PDZRN3: variants seen among roughly 807,000 people sequenced by gnomAD.
PDZRN3 encodes the protein PDZ domain containing ring finger 3.
Under a neutral mutation model 85.7 loss-of-function variants are expected in PDZRN3, and 38 were observed. The ratio of observed to expected loss-of-function variants is 0.44; its 90% CI spans 0.34 to 0.58. The LOEUF (loss-of-function observed/expected upper bound fraction) is 0.58. Among genes scored for constraint, PDZRN3 ranks in the 20% least tolerant of loss-of-function variants. The pLI is 0.01. For missense variants in PDZRN3, 1,629 were observed against 1,506.4 expected, an observed-to-expected ratio of 1.08 and a Z score of -1.35; for synonymous variants, 759 against 638.0, an observed-to-expected ratio of 1.19 and a Z score of -2.86.
Position 73,569,256 on chromosome 3 carries a change from A to G in PDZRN3, c.918+33098T>C, listed in dbSNP as rs57200209. On this transcript the variant is annotated intron_variant, in intron 3 of 9. Transcript: ENST00000263666. ...TCAGTCTGCAAAGATGAACAAGAGG[A>G]GCCCGAAGAATGTCGTATGAAATGA... 80 of 1,279,958 alleles carry G rather than the reference A, an allele frequency of 6.3e-5. No individual in the cohort carries two copies. The African/African-American group carries it at 9.6e-4, about 15-fold the overall frequency. The allele number at this position is 1,279,958 out of a possible 1,614,324, so 79.3% of individuals were successfully genotyped here.
At chr3:73,489,290 C>T (rs1343986590) in intron 3 of PDZRN3, among the ~76,000 whole-genome samples, 1 of 152,170 alleles carries the variant, frequency 6.6e-6, no homozygotes, top group Non-Finnish European at 1.5e-5. Flanking sequence ...ATTTTCATAT[C>T]TTTAATGGTA....
intron 3 of PDZRN3, among the ~76,000 whole-genome samples, chr3:73,563,677 C>T (rs747207697): frequency 6.6e-6 from 1 of 152,184 alleles, no homozygotes; most frequent in African/African-American, 2.4e-5. Flanking sequence ...GTAGTCATGA[C>T]TGACGCTATA....
At chr3:73,422,638 C>A (rs1173508721) in intron 3 of PDZRN3, among the ~76,000 whole-genome samples, 3 of 152,140 alleles carry the variant, frequency 2.0e-5, no homozygotes, top group Non-Finnish European at 2.9e-5. Context: ...TCTGAGACTT[C>A]ATGGACAACT....
intron 1 of PDZRN3, among the ~76,000 whole-genome samples, chr3:73,617,148 T>G (rs1226416086): frequency 6.6e-6 from 1 of 152,160 alleles, no homozygotes; most frequent in Non-Finnish European, 1.5e-5. Flanking sequence ...GCACACACAC[T>G]GCTGATGCCA....
chr3:73,591,234 T>A (rs1229706288), intron 3 of PDZRN3, among the ~76,000 whole-genome samples: 4 of 152,192 alleles, frequency 2.6e-5, no homozygotes, highest in Non-Finnish European at 5.9e-5. Context: ...ATATTACTCA[T>A]GAGTCATTAT....
intron 3 of PDZRN3, among the ~76,000 whole-genome samples, chr3:73,542,974 T>G (rs2106786016): frequency 6.6e-6 from 1 of 152,292 alleles, no homozygotes; most frequent in Non-Finnish European, 1.5e-5. Context: ...CTGTGTGTAC[T>G]CCAAGTGTCT....
intron 3 of PDZRN3, among the ~76,000 whole-genome samples, chr3:73,427,585 G>C (rs1342856206): frequency 1.3e-5 from 2 of 152,214 alleles, no homozygotes; most frequent in Non-Finnish European, 2.9e-5. Flanking sequence ...CACAGAGAGA[G>C]GGGCTGTCTT....
chr3:73,443,479 C>CTTTTTTTTT (rs768320565), intron 3 of PDZRN3, among the ~76,000 whole-genome samples: 14 of 48,156 alleles, frequency 2.9e-4, no homozygotes, highest in Admixed American at 4.9e-4. Flanking sequence ...TTTCCTTTTT[C>CTTTTTTTTT]TTTTTTTTTT....
At chr3:73,469,855 T>C (rs1274269052) in intron 3 of PDZRN3, among the ~76,000 whole-genome samples, 2 of 152,204 alleles carry the variant, frequency 1.3e-5, no homozygotes. Flanking sequence ...GAAAATATCT[T>C]GGTAGCTTAA....
chr3:73,586,461 C>G (rs1243680197), intron 3 of PDZRN3, among the ~76,000 whole-genome samples: 1 of 152,226 alleles, frequency 6.6e-6, no homozygotes, highest in African/African-American at 2.4e-5. Context: ...CACACATTTA[C>G]TGATTGAATA....
At chr3:73,528,684 C>G (rs1468279083) in intron 3 of PDZRN3, among the ~76,000 whole-genome samples, 1 of 151,866 alleles carries the variant, frequency 6.6e-6, no homozygotes, top group Non-Finnish European at 1.5e-5. Flanking sequence ...TTGTGAAGAT[C>G]AAAAAAAGTA....
chr3:73,453,912 A>G (rs995667436), intron 3 of PDZRN3, among the ~76,000 whole-genome samples: 6 of 152,338 alleles, frequency 3.9e-5, no homozygotes, highest in African/African-American at 1.2e-4. Context: ...CAGAGGGGTC[A>G]GTGTTGGCCA....
chr3:73,408,606 G>C (rs189775499), intron 3 of PDZRN3, among the ~76,000 whole-genome samples: 23 of 151,780 alleles, frequency 1.5e-4, no homozygotes, highest in Admixed American at 1.1e-3. Flanking sequence ...GGGTGCAACA[G>C]AAAAATTTTA....
intron 3 of PDZRN3, among the ~76,000 whole-genome samples, chr3:73,474,178 G>A (rs1565176): frequency 0.29 from 43,762 of 151,964 alleles, 8,138 homozygotes; most frequent in East Asian, 0.7. Context: ...CCACTGCCAC[G>A]TTGATAGGCA....
In PDZRN3 at chr3:73,593,709, T is replaced by TACACACACAC. The variant is rs57922621; in HGVS notation, c.918+8635_918+8644dup. ...TTCTTACTGTTTACCGAAATAAATATACACACACACACACACACACACACA... is the reference window on the plus strand; with the variant it reads ...TTCTTACTGTTTACCGAAATAAATATACACACACACACACACACACACACACACACACACA... On this transcript the variant is annotated intron_variant, in intron 3 of 9. Coordinates refer to ENST00000263666, the MANE Select transcript of PDZRN3 (RefSeq NM_015009.3). Among the ~76,000 whole-genome samples the TACACACACAC allele has an allele frequency of 1.4e-4, 20 of 141,930 alleles. 1 individual carries two copies. The highest frequency in any genetic ancestry group is 3.5e-4 in the Admixed American group (5 of 14,150). 93.1% of individuals were successfully genotyped at this position (141,930 alleles called of 152,430 possible).
At chr3:73,601,606 T>G (rs1380253350) in intron 3 of PDZRN3, among the ~76,000 whole-genome samples, 1 of 152,148 alleles carries the variant, frequency 6.6e-6, no homozygotes, top group African/African-American at 2.4e-5. Context: ...CTCATTTATA[T>G]CAAACTTTGC....
At chr3:73,550,478 C>T (rs903221202) in intron 3 of PDZRN3, among the ~76,000 whole-genome samples, 6 of 152,134 alleles carry the variant, frequency 3.9e-5, no homozygotes, top group African/African-American at 1.4e-4. Flanking sequence ...AAGGCAGGGC[C>T]CAGGAATCAG....
At chr3:73,579,215 G>T (rs191579130) in intron 3 of PDZRN3, among the ~76,000 whole-genome samples, 1 of 152,108 alleles carries the variant, frequency 6.6e-6, no homozygotes, top group African/African-American at 2.4e-5. Flanking sequence ...AAGCAAGAAG[G>T]TACCATCTTT....
chr3:73,547,403 T>C (rs1311557792), intron 3 of PDZRN3, among the ~76,000 whole-genome samples: 1 of 152,224 alleles, frequency 6.6e-6, no homozygotes, highest in Admixed American at 6.5e-5. Context: ...GCCTCTGTCA[T>C]GGTCCCAGTG....
Sources: allele counts gnomAD v4.1 joint callset (sites outside exome capture counted in the v4.1 genomes callset), GRCh38; gene constraint gnomAD v4.1.1; transcripts MANE v1.5; gene names NCBI Gene and HGNC (gene_info 2026-07-23, HGNC 2026-07-21).